PTPRT: variants seen among roughly 807,000 people sequenced by gnomAD.
PTPRT encodes the protein protein tyrosine phosphatase receptor type T.
Under a neutral mutation model 176.8 loss-of-function variants are expected in PTPRT, and 56 were observed. That is an observed-to-expected ratio of 0.32 (90% CI 0.26 to 0.40). PTPRT has a LOEUF of 0.40. Ranked by LOEUF, PTPRT falls within the 10% of genes least tolerant of loss-of-function variation. PTPRT has a pLI of 1.00. For synonymous variants in PTPRT, 783 were observed against 739.0 expected, an observed-to-expected ratio of 1.06 and a Z score of -0.96; for missense variants, 1,540 against 1,908.2, an observed-to-expected ratio of 0.81 and a Z score of 3.60.
At chr20:42,400,681 T>C (rs2058896804) in intron 9 of PTPRT, among the ~76,000 whole-genome samples, 1 of 152,050 alleles carries the variant, frequency 6.6e-6, no homozygotes, top group Non-Finnish European at 1.5e-5. Flanking sequence ...ATTGAGGGAA[T>C]ACCAAGCACG....
At position 42,598,823 on chromosome 20, in the gene PTPRT, G is replaced by A. The variant is rs115390058; in HGVS notation, c.1153+79043C>T. On this transcript the variant is annotated intron_variant, in intron 7 of 30. Coordinates refer to ENST00000373187, the MANE Select transcript of PTPRT (RefSeq NM_007050.6). The stretch of plus-strand genomic sequence containing the variant: ...CAGTGCCTTCTATTGTGGCTGCCTC[G>A]CCCATCAGGCTGTAAGGGTACTGAT... Among the ~76,000 whole-genome samples the A allele has an allele frequency of 5.3e-5, 8 of 152,052 alleles. No homozygotes were observed. In the Middle Eastern group the frequency reaches 0.014, roughly 259 times the overall value.
intron 1 of PTPRT, among the ~76,000 whole-genome samples, chr20:42,989,296 A>G (rs549337318): frequency 2.6e-4 from 40 of 152,348 alleles, no homozygotes; most frequent in Middle Eastern, 3.4e-3. Context: ...AATTCTACCA[A>G]TTTCCATGGG....
intron 6 of PTPRT, among the ~76,000 whole-genome samples, chr20:42,701,309 G>T (rs928469270): frequency 1.1e-4 from 16 of 152,188 alleles, no homozygotes; most frequent in Non-Finnish European, 1.5e-4. Flanking sequence ...GAGAAAGGCA[G>T]GGAAGGTCAC....
chr20:43,019,295 G>C (rs1985532436), intron 1 of PTPRT, among the ~76,000 whole-genome samples: 1 of 152,206 alleles, frequency 6.6e-6, no homozygotes, highest in Admixed American at 6.5e-5. Context: ...CTGCTAAAAG[G>C]GAAGCCAAGG....
chr20:42,481,824 G>T (rs2071391554), intron 7 of PTPRT, among the ~76,000 whole-genome samples: 1 of 150,812 alleles, frequency 6.6e-6, no homozygotes, highest in East Asian at 2.0e-4. Flanking sequence ...GTATATATAT[G>T]GTTATCATAT....
intron 9 of PTPRT, among the ~76,000 whole-genome samples, chr20:42,388,226 A>G (rs2058763933): frequency 6.6e-6 from 1 of 152,248 alleles, no homozygotes; most frequent in South Asian, 2.1e-4. Context: ...CAAGGACTTC[A>G]TGTCTGAAAC....
chr20:42,720,311 T>A (rs1182181009), intron 6 of PTPRT, among the ~76,000 whole-genome samples: 1 of 152,190 alleles, frequency 6.6e-6, no homozygotes, highest in African/African-American at 2.4e-5. Flanking sequence ...ATTTTACATA[T>A]GTGAATACTG....
At chr20:42,943,787 G>A (rs374129167) in intron 1 of PTPRT, among the ~76,000 whole-genome samples, 178 of 152,222 alleles carry the variant, frequency 1.2e-3, no homozygotes, top group African/African-American at 4.2e-3. Context: ...GGCCAAGACA[G>A]GAAGATCATT....
rs553390532 is a variant in PTPRT, at chr20:42,764,987, G to A, written c.684+6448C>T. Among the ~76,000 whole-genome samples, 36 of 152,298 alleles carry A rather than the reference G, an allele frequency of 2.4e-4. No individual in the cohort carries two copies. The South Asian group carries it at 4.4e-3, about 18-fold the overall frequency. On this transcript the variant is annotated intron_variant, in intron 5 of 30. Transcript: ENST00000373187. ...AGGAAACAGGTTTACTGGGCGAACC[G>A]GCTGCAGTAAAGACTGATATGCCTC...
At chr20:42,217,690 T>C (rs1206604979) in intron 15 of PTPRT, among the ~76,000 whole-genome samples, 1 of 152,172 alleles carries the variant, frequency 6.6e-6, no homozygotes, top group Non-Finnish European at 1.5e-5. Context: ...TGCGGGATGC[T>C]TAGTAGCATC....
At chr20:42,215,667 T>G (rs1240378752) in intron 15 of PTPRT, among the ~76,000 whole-genome samples, 1 of 152,206 alleles carries the variant, frequency 6.6e-6, no homozygotes, top group Non-Finnish European at 1.5e-5. Context: ...TCTTCCCCTA[T>G]TCATGCGTTG....
At chr20:42,234,658 T>C (rs1260343229) in intron 15 of PTPRT, among the ~76,000 whole-genome samples, 1 of 152,264 alleles carries the variant, frequency 6.6e-6, no homozygotes. Flanking sequence ...GTCTCTCAGA[T>C]AGGCTTGCAT....
chr20:42,047,526 C>A, the PTPRT span, among the ~76,000 whole-genome samples: 5 of 152,218 alleles, frequency 3.3e-5, no homozygotes, highest in South Asian at 2.1e-4. Context: ...GCCTTCCATG[C>A]AGATTCTCTG....
At chr20:42,654,983 C>T (rs191238498) in intron 7 of PTPRT, among the ~76,000 whole-genome samples, 2 of 152,218 alleles carry the variant, frequency 1.3e-5, no homozygotes, top group African/African-American at 2.4e-5. Flanking sequence ...ATCACGAGAC[C>T]TTCTTCAGCA....
chr20:43,015,895 G>T (rs1366847715), intron 1 of PTPRT, among the ~76,000 whole-genome samples: 1 of 150,276 alleles, frequency 6.7e-6, no homozygotes, highest in Admixed American at 6.7e-5. Flanking sequence ...GCAGGATTAT[G>T]CCCCAATCAG....
At chr20:42,289,175 G>A (rs1185029386) in intron 12 of PTPRT, among the ~76,000 whole-genome samples, 1 of 151,984 alleles carries the variant, frequency 6.6e-6, no homozygotes, top group Admixed American at 6.6e-5. Context: ...AAAAATCCTA[G>A]AAGAAAACCT....
chr20:42,258,627 C>T (rs541355188), intron 13 of PTPRT, among the ~76,000 whole-genome samples: 8 of 152,156 alleles, frequency 5.3e-5, no homozygotes, highest in Admixed American at 5.2e-4. Flanking sequence ...TGCTGACTAC[C>T]TCCCCATGCC....
intron 27 of PTPRT, among the ~76,000 whole-genome samples, chr20:42,091,653 C>T (rs1470269331): frequency 6.6e-6 from 1 of 152,138 alleles, no homozygotes; most frequent in African/African-American, 2.4e-5. Flanking sequence ...TTTTAAAATT[C>T]AGCATCAGTG....
chr20:42,925,952 G>A (rs1979455222), intron 1 of PTPRT, among the ~76,000 whole-genome samples: 1 of 152,156 alleles, frequency 6.6e-6, no homozygotes, highest in African/African-American at 2.4e-5. Flanking sequence ...CTCCATATAA[G>A]GTCTTTATCA....
Sources: allele counts gnomAD v4.1 joint callset (sites outside exome capture counted in the v4.1 genomes callset), GRCh38; gene constraint gnomAD v4.1.1; transcripts MANE v1.5; gene names NCBI Gene and HGNC (gene_info 2026-07-23, HGNC 2026-07-21).